Variants in BUB3 observed in about 807,000 individuals in gnomAD.
The protein encoded by BUB3 is mitotic checkpoint protein BUB3.
Under a neutral mutation model 39.9 loss-of-function variants are expected in BUB3, and 22 were observed. The observed-to-expected ratio is 0.55, with a 90% CI of 0.39 to 0.79. BUB3 has a LOEUF of 0.79. Ranked by LOEUF, BUB3 falls within the 30% of genes least tolerant of loss-of-function variation. BUB3 has a pLI of 0.00. For synonymous variants in BUB3, 168 were observed against 155.1 expected, an observed-to-expected ratio of 1.08 and a Z score of -0.62; for missense variants, 303 against 415.4, an observed-to-expected ratio of 0.73 and a Z score of 2.35.
rs1844503633 is a variant in BUB3, at chr10:123,167,198, G to T, written c.*3363G>T. 6.6e-6 allele frequency: 1 copy of T among 152,182 alleles called. No homozygotes were observed. Among genetic ancestry groups the T allele is most frequent in the Admixed American group, 6.5e-5 (1 of 15,278 alleles). The allele number at this position is 152,182 out of a possible 1,614,324, so 9.4% of individuals were successfully genotyped here. On this transcript the variant is annotated 3_prime_UTR_variant, in exon 8 of 8. Coordinates refer to ENST00000368865, the MANE Select transcript of BUB3 (RefSeq NM_004725.4). ...AACACTGGGGTTCTTCTCTTACGCT[G>T]AGAGCCAGGTTACTTTCTTCACTAT...
At chr10:123,155,761 T>C in intron 3 of BUB3, 34 bp downstream of exon 3, 1 of 1,588,756 alleles carries the variant, frequency 6.3e-7, no homozygotes, top group Non-Finnish European at 8.6e-7. Context: ...GTTTGTTTTC[T>C]TGGCTAGTGT....
In BUB3 at chr10:123,160,566, G is replaced by A; in HGVS notation, c.576+1G>A. The A allele has an allele frequency of 6.3e-7, 1 of 1,582,722 alleles. No homozygotes were observed. The highest frequency in any genetic ancestry group is 8.6e-7 in the Non-Finnish European group (1 of 1,167,534). On this transcript the variant is annotated splice_donor_variant, in intron 5 of 7. Transcript: ENST00000368865. LOFTEE classifies it high-confidence loss of function. ...CATACGAGCGTTTCCAAACAAGCAGGTATTGAACTATACCTCCTCTTCTTT... is the reference window on the plus strand; with the variant it reads ...CATACGAGCGTTTCCAAACAAGCAGATATTGAACTATACCTCCTCTTCTTT...
intron 4 of BUB3, among the ~76,000 whole-genome samples, chr10:123,158,673 G>A (rs756086009): frequency 2.3e-4 from 35 of 152,212 alleles, no homozygotes; most frequent in African/African-American, 7.5e-4. Flanking sequence ...CATCACAGTC[G>A]AATCTACTCC....
At position 123,169,833 on chromosome 10, in the gene BUB3, A is replaced by T. The variant is rs1844529495; in HGVS notation, c.*5998A>T. 1 of 152,188 alleles carries T rather than the reference A, an allele frequency of 6.6e-6. No individual in the cohort carries two copies. Among genetic ancestry groups the T allele is most frequent in the South Asian group, 2.1e-4 (1 of 4,832 alleles). The allele number at this position is 152,188 out of a possible 1,614,324, so 9.4% of individuals were successfully genotyped here. ...TGAATCCTGACTTTACTGCTTATTC[A>T]GGGGGCCACTAGCTAAGTTAATTTG... On this transcript the variant is annotated 3_prime_UTR_variant, in exon 8 of 8. Transcript: ENST00000368865.
rs1158974838 is a variant in BUB3, at chr10:123,165,689, G to A, written c.*1854G>A. On this transcript the variant is annotated 3_prime_UTR_variant, in exon 8 of 8. Transcript: ENST00000368865. The stretch of plus-strand genomic sequence containing the variant: ...CCTTTTGGCTCAGTGCTTTACTAGT[G>A]CCAGCGCAGTAGTGCTTAGGTAGCT... 6.6e-6 allele frequency: 1 copy of A among 152,216 alleles called. No homozygotes were observed. The highest frequency in any genetic ancestry group is 2.4e-5 in the African/African-American group (1 of 41,368). 9.4% of individuals were successfully genotyped at this position (152,216 alleles called of 1,614,324 possible).
At chr10:123,158,677 C>G (rs1844381548) in intron 4 of BUB3, among the ~76,000 whole-genome samples, 1 of 152,196 alleles carries the variant, frequency 6.6e-6, no homozygotes, top group Non-Finnish European at 1.5e-5. Context: ...ACAGTCGAAT[C>G]TACTCCTGGC....
At chr10:123,156,938 T>C (rs1020479327) in intron 3 of BUB3, among the ~76,000 whole-genome samples, 1 of 151,684 alleles carries the variant, frequency 6.6e-6, no homozygotes, top group East Asian at 1.9e-4. Context: ...AGAGGCGGGG[T>C]TTCACTGTGT....
chr10:123,156,634 G>A (rs1844350519), intron 3 of BUB3, among the ~76,000 whole-genome samples: 1 of 152,174 alleles, frequency 6.6e-6, no homozygotes. Flanking sequence ...GAAACTTGTA[G>A]GGGTAGGGAG....
rs961795891 is a variant in BUB3, at chr10:123,164,131, G to T, written c.*296G>T. On this transcript the variant is annotated 3_prime_UTR_variant, in exon 8 of 8. Coordinates refer to ENST00000368865, the MANE Select transcript of BUB3 (RefSeq NM_004725.4). ...ACCTTGATGATTTTTTGTTTCCACT[G>T]TGGAAATAAATGTTTGTAAATAAGT... 1.8e-6 allele frequency: 2 copies of T among 1,099,196 alleles called. No individual in the cohort carries two copies. The highest frequency in any genetic ancestry group is 2.2e-6 in the Non-Finnish European group (2 of 905,384). 68.1% of individuals were successfully genotyped at this position (1,099,196 alleles called of 1,614,324 possible).
chr10:123,154,955 C>T lies in BUB3; in HGVS notation c.38C>T (p.Pro13Leu). ...GSNEFKLNQP[P>L]EDGISSVKFS... The stretch of plus-strand genomic sequence containing the variant: ...AACGAGTTCAAGCTGAACCAGCCAC[C>T]CGAGGATGGCATCTCCTCCGTGAAG... The change falls in exon 2 of 8, where the codon CCC (proline) becomes CTC (leucine). Residue 13 changes from proline to leucine, a missense_variant. Physicochemically the swap from Pro to Leu is moderately conservative, Grantham distance 98. This residue lies in a region of BUB3 where 121 missense variants were observed against 122.3 expected (regional missense o/e 0.99). Coordinates refer to ENST00000368865, the MANE Select transcript of BUB3 (RefSeq NM_004725.4). 6.2e-7 allele frequency: 1 copy of T among 1,614,128 alleles called. No homozygotes were observed. The highest frequency in any genetic ancestry group is 8.5e-7 in the Non-Finnish European group (1 of 1,180,006).
chr10:123,164,126 C>A lies in BUB3; in HGVS notation c.*291C>A. Reference sequence around the variant, plus strand: ...TTTTGACCTTGATGATTTTTTGTTTCCACTGTGGAAATAAATGTTTGTAAA... The same window carrying A: ...TTTTGACCTTGATGATTTTTTGTTTACACTGTGGAAATAAATGTTTGTAAA... On this transcript the variant is annotated 3_prime_UTR_variant, in exon 8 of 8. Coordinates refer to ENST00000368865, the MANE Select transcript of BUB3 (RefSeq NM_004725.4). 1.8e-6 allele frequency: 2 copies of A among 1,106,300 alleles called. No individual in the cohort carries two copies. Among genetic ancestry groups the A allele is most frequent in the Non-Finnish European group, 2.2e-6 (2 of 909,742 alleles). The allele number at this position is 1,106,300 out of a possible 1,614,324, so 68.5% of individuals were successfully genotyped here.
chr10:123,162,886 A>C (rs960250950), intron 7 of BUB3, 58 bp downstream of exon 7: 2 of 1,503,482 alleles, frequency 1.3e-6, no homozygotes, highest in Admixed American at 3.5e-5. Flanking sequence ...GGATTTATTA[A>C]TTTTTCTAAA....
At position 123,160,580 on chromosome 10, in the gene BUB3, C is replaced by T. The variant is rs1337389300; in HGVS notation, c.576+15C>T. 3.1e-5 allele frequency: 47 copies of T among 1,528,888 alleles called. No homozygotes were observed. Among genetic ancestry groups the T allele is most frequent in the Non-Finnish European group, 4.1e-5 (47 of 1,139,324 alleles). The allele number at this position is 1,528,888 out of a possible 1,614,324, so 94.7% of individuals were successfully genotyped here. A position where few individuals can be genotyped will look rare whatever the true frequency, so the allele number is the denominator to read the frequency against. ...CAAACAAGCAGGTATTGAACTATAC[C>T]TCCTCTTCTTTCTGGAATTTGAAAA... On this transcript the variant is annotated intron_variant, in intron 5 of 7. Transcript: ENST00000368865.
chr10:123,169,100 T>G lies in BUB3; in HGVS notation c.*5265T>G, dbSNP rs1033474838. On this transcript the variant is annotated 3_prime_UTR_variant, in exon 8 of 8. Coordinates refer to ENST00000368865, the MANE Select transcript of BUB3 (RefSeq NM_004725.4). The stretch of plus-strand genomic sequence containing the variant: ...CCCCAGGTATCATGTGGGCAGGTGC[T>G]CCATGTGGCTGGTGATAGTTGTGAG... 1.3e-5 allele frequency: 2 copies of G among 152,250 alleles called. No homozygotes were observed. The highest frequency in any genetic ancestry group is 4.8e-5 in the African/African-American group (2 of 41,456). The allele number at this position is 152,250 out of a possible 1,614,324, so 9.4% of individuals were successfully genotyped here.
At position 123,165,267 on chromosome 10, in the gene BUB3, G is replaced by A. The variant is rs1310019214; in HGVS notation, c.*1432G>A. On this transcript the variant is annotated 3_prime_UTR_variant, in exon 8 of 8. Coordinates refer to ENST00000368865, the MANE Select transcript of BUB3 (RefSeq NM_004725.4). ...GACGTATTTCCCCTTCTGTCCCCTAGTAAGCCCAGTTGCTGTATCTGAACA... is the reference window on the plus strand; with the variant it reads ...GACGTATTTCCCCTTCTGTCCCCTAATAAGCCCAGTTGCTGTATCTGAACA... The A allele has an allele frequency of 2.0e-6, 1 of 508,072 alleles. No homozygotes were observed. Among genetic ancestry groups the A allele is most frequent in the African/African-American group, 1.9e-5 (1 of 52,306 alleles). 31.5% of individuals were successfully genotyped at this position (508,072 alleles called of 1,614,324 possible). A position where few individuals can be genotyped will look rare whatever the true frequency, so the allele number is the denominator to read the frequency against.
chr10:123,162,570 T>C lies in BUB3; in HGVS notation c.755-42T>C, dbSNP rs2133570459. Reference sequence around the variant, plus strand: ...TTAAGAGAATGGTTATTTCTGTATCTGGTGTTAAGAACCATTTTAACTGTT... The same window carrying C: ...TTAAGAGAATGGTTATTTCTGTATCCGGTGTTAAGAACCATTTTAACTGTT... On this transcript the variant is annotated intron_variant, in intron 6 of 7. Transcript: ENST00000368865. The C allele has an allele frequency of 1.9e-6, 3 of 1,577,160 alleles. No homozygotes were observed. In the East Asian group the frequency reaches 6.7e-5, roughly 35 times the overall value.
intron 7 of BUB3, 118 bp from the exon 8 acceptor site, chr10:123,163,702 G>A: frequency 1.2e-6 from 1 of 855,386 alleles, no homozygotes; most frequent in South Asian, 1.7e-5. Context: ...AAAAGTCTTA[G>A]CATGTGAAGC....
Position 123,164,743 on chromosome 10 carries a change from A to C in BUB3, c.*908A>C, listed in dbSNP as rs1443105334. On this transcript the variant is annotated 3_prime_UTR_variant, in exon 8 of 8. Transcript: ENST00000368865. ...GCCGCTGGTGATTAAAGTTAAAAAG[A>C]AAAAAATTATAGTGAGAATGAGATT... 1 of 1,108,306 alleles carries C rather than the reference A, an allele frequency of 9.0e-7. No individual in the cohort carries two copies. Among genetic ancestry groups the C allele is most frequent in the African/African-American group, 1.6e-5 (1 of 61,624 alleles). 68.7% of individuals were successfully genotyped at this position (1,108,306 alleles called of 1,614,324 possible).
Position 123,162,256 on chromosome 10 carries a change from T to A in BUB3, c.597T>A (p.Ile199=). Residue 199 remains isoleucine, a synonymous_variant, in exon 6 of 8, where the codon ATT becomes ATA. Coordinates refer to ENST00000368865, the MANE Select transcript of BUB3 (RefSeq NM_004725.4). The stretch of plus-strand genomic sequence containing the variant: ...GGCAGGGTTATGTATTAAGCTCTAT[T>A]GAAGGCCGAGTGGCAGTTGAGTATT... ...PNKQGYVLSS[I]EGRVAVEYLD... 1 of 1,614,092 alleles carries A rather than the reference T, an allele frequency of 6.2e-7. No homozygotes were observed. The highest frequency in any genetic ancestry group is 1.1e-5 in the South Asian group (1 of 91,078).
Sources: gnomAD v4.1 joint callset for allele counts (sites outside exome capture counted in the v4.1 genomes callset) on GRCh38, gnomAD v4.1.1 for gene constraint, gnomAD v4.1.1 regional missense constraint, MANE v1.5 for transcripts, NCBI Gene and HGNC (gene_info 2026-07-23, HGNC 2026-07-21) for gene names.